Variants in AKAP19 observed in about 807,000 individuals in gnomAD.
AKAP19 encodes small A-kinase anchoring protein.
At chr2:190,149,560 C>G in the AKAP19 span, among the ~76,000 whole-genome samples, 1 of 152,090 alleles carries the variant, frequency 6.6e-6, no homozygotes, top group Non-Finnish European at 1.5e-5. Flanking sequence ...AAATTTCCAT[C>G]TTTATTTTGT....
At chr2:190,161,121 CT>C in the AKAP19 span, among the ~76,000 whole-genome samples, 19 of 152,144 alleles carry the variant, frequency 1.2e-4, no homozygotes, top group African/African-American at 4.3e-4. Flanking sequence ...TTAAATTAAA[CT>C]TTTTTTTCTA....
the AKAP19 span, among the ~76,000 whole-genome samples, chr2:190,146,381 G>A: frequency 3.3e-5 from 5 of 152,060 alleles, no homozygotes; most frequent in Admixed American, 2.0e-4. Flanking sequence ...TTATCCACTC[G>A]TTGATTGATG....
the AKAP19 span, among the ~76,000 whole-genome samples, chr2:190,168,993 T>G: frequency 6.6e-6 from 1 of 152,198 alleles, no homozygotes; most frequent in Non-Finnish European, 1.5e-5. Flanking sequence ...AGTGCCCCAT[T>G]CTACTGGTAC....
the AKAP19 span, among the ~76,000 whole-genome samples, chr2:189,958,612 A>G: frequency 6.6e-6 from 1 of 150,824 alleles, no homozygotes; most frequent in African/African-American, 2.4e-5. Flanking sequence ...ACACACATCC[A>G]TTAGAACCTC....
chr2:189,972,695 C>T, the AKAP19 span, among the ~76,000 whole-genome samples: 12 of 152,286 alleles, frequency 7.9e-5, no homozygotes, highest in Admixed American at 2.6e-4. Context: ...AGAGGTCCTT[C>T]ACATCCCTTG....
chr2:190,051,996 C>A, the AKAP19 span, among the ~76,000 whole-genome samples: 1 of 151,980 alleles, frequency 6.6e-6, no homozygotes, highest in African/African-American at 2.4e-5. Context: ...CGCCACCACG[C>A]CTGGCTAATT....
the AKAP19 span, among the ~76,000 whole-genome samples, chr2:190,175,479 A>C: frequency 1.3e-5 from 2 of 152,246 alleles, no homozygotes; most frequent in Non-Finnish European, 2.9e-5. Context: ...CATGCTCTGC[A>C]TTAAACTCTT....
the AKAP19 span, among the ~76,000 whole-genome samples, chr2:190,039,870 A>T: frequency 6.6e-6 from 1 of 152,146 alleles, no homozygotes; most frequent in African/African-American, 2.4e-5. Context: ...TTTTATGGTC[A>T]CATAGTATTC....
chr2:190,078,376 G>C, the AKAP19 span, among the ~76,000 whole-genome samples: 1 of 152,134 alleles, frequency 6.6e-6, no homozygotes, highest in East Asian at 1.9e-4. Flanking sequence ...TATACTACCT[G>C]GTTACTAAAT....
At chr2:190,184,041 G>A in the AKAP19 span, among the ~76,000 whole-genome samples, 27 of 152,128 alleles carry the variant, frequency 1.8e-4, 1 homozygote, top group Admixed American at 1.8e-3. Flanking sequence ...TGGTTGAGAA[G>A]TAGAACCACT....
the AKAP19 span, among the ~76,000 whole-genome samples, chr2:190,006,432 G>A: frequency 1.3e-5 from 2 of 151,948 alleles, no homozygotes. Context: ...CAGATCATGA[G>A]GTCAGGAGAT....
chr2:189,954,957 T>G, the AKAP19 span, among the ~76,000 whole-genome samples: 1 of 152,248 alleles, frequency 6.6e-6, no homozygotes, highest in Non-Finnish European at 1.5e-5. Flanking sequence ...AAATATTTTT[T>G]ATTTATGGAC....
chr2:190,010,244 T>C, the AKAP19 span, among the ~76,000 whole-genome samples: 30 of 152,202 alleles, frequency 2.0e-4, no homozygotes, highest in Non-Finnish European at 3.7e-4. Context: ...GAATAGTTTA[T>C]CCATGGTAAC....
the AKAP19 span, chr2:190,150,350 G>A: frequency 6.6e-6 from 1 of 152,200 alleles, no homozygotes; most frequent in African/African-American, 2.4e-5. Context: ...GTGCCAGGCA[G>A]GAATGGCCTG....
chr2:189,941,273 G>A, the AKAP19 span, among the ~76,000 whole-genome samples: 1 of 152,102 alleles, frequency 6.6e-6, no homozygotes, highest in Non-Finnish European at 1.5e-5. Flanking sequence ...TGAAAAGAAA[G>A]CATTGAAAAG....
At chr2:190,108,996 A>G in the AKAP19 span, among the ~76,000 whole-genome samples, 1 of 152,122 alleles carries the variant, frequency 6.6e-6, no homozygotes, top group Non-Finnish European at 1.5e-5. Context: ...GGTTTATAAT[A>G]TTGTGGGAGA....
At chr2:189,970,451 C>A in the AKAP19 span, among the ~76,000 whole-genome samples, 1 of 152,054 alleles carries the variant, frequency 6.6e-6, no homozygotes. Context: ...TATTATTTTG[C>A]AAGTTTTTAA....
the AKAP19 span, among the ~76,000 whole-genome samples, chr2:190,170,328 C>A: frequency 0.015 from 2,289 of 152,340 alleles, 51 homozygotes; most frequent in African/African-American, 0.053. Context: ...CATAGACTTA[C>A]AAGGCTGAAT....
chr2:190,024,224 G>A, the AKAP19 span, among the ~76,000 whole-genome samples: 41 of 151,880 alleles, frequency 2.7e-4, no homozygotes, highest in Non-Finnish European at 5.3e-4. Flanking sequence ...TCTAGATCAA[G>A]CAGTTTGGCT....
Sources: gnomAD v4.1 joint callset for allele counts (sites outside exome capture counted in the v4.1 genomes callset) on GRCh38, gnomAD v4.1.1 for gene constraint, MANE v1.5 for transcripts, NCBI Gene and HGNC (gene_info 2026-07-23, HGNC 2026-07-21) for gene names.